The following TEX9 variants were observed in gnomAD, a reference collection of about 807,000 sequenced individuals.
TEX9 encodes testis-expressed protein 9.
Under a neutral mutation model 59.6 loss-of-function variants are expected in TEX9, and 74 were observed. The observed-to-expected ratio is 1.24, with a 90% CI of 1.03 to 1.51. TEX9 has a LOEUF of 1.51. Among genes scored for constraint, TEX9 ranks in the 40% most tolerant of loss-of-function variants. The pLI, the probability that TEX9 is intolerant of heterozygous loss-of-function variation, is 0.00. For synonymous variants in TEX9, 186 were observed against 152.2 expected (o/e 1.22, Z -1.64); for missense variants, 522 against 447.8 (o/e 1.17, Z -1.49).
At chr15:56,451,733 A>C in the TEX9 span, among the ~76,000 whole-genome samples, 1 of 145,950 alleles carries the variant, frequency 6.9e-6, no homozygotes, top group African/African-American at 2.5e-5. Flanking sequence ...TCATGATGGG[A>C]TGCATCCCAA....
intron 1 of TEX9, among the ~76,000 whole-genome samples, chr15:56,290,785 C>CT (rs568536742): frequency 0.032 from 4,616 of 145,242 alleles, 188 homozygotes; most frequent in African/African-American, 0.099. Context: ...GGTTATTCTC[C>CT]TTTTTTTTTT....
At chr15:56,405,741 T>G (rs1223956119) in intron 9 of TEX9, among the ~76,000 whole-genome samples, 1 of 152,152 alleles carries the variant, frequency 6.6e-6, no homozygotes. Flanking sequence ...CAAACAAATC[T>G]CGGTGTACAG....
At chr15:56,289,003 G>A (rs1408700677) in intron 1 of TEX9, among the ~76,000 whole-genome samples, 1 of 151,998 alleles carries the variant, frequency 6.6e-6, no homozygotes, top group East Asian at 1.9e-4. Flanking sequence ...TTATTCTGCT[G>A]TTGATGTTCT....
chr15:56,451,241 A>G, the TEX9 span, among the ~76,000 whole-genome samples: 3 of 152,204 alleles, frequency 2.0e-5, no homozygotes, highest in Non-Finnish European at 4.4e-5. Context: ...GAACAGATAT[A>G]CCCAACAATT....
At chr15:56,388,093 T>C (rs1316278247) in intron 4 of TEX9, among the ~76,000 whole-genome samples, 1 of 151,948 alleles carries the variant, frequency 6.6e-6, no homozygotes, top group Non-Finnish European at 1.5e-5. Context: ...TAACCAGGTG[T>C]TTTAAGTGGA....
chr15:56,424,148 A>G (rs1338117579), intron 10 of TEX9, among the ~76,000 whole-genome samples: 2 of 152,040 alleles, frequency 1.3e-5, no homozygotes, highest in Non-Finnish European at 2.9e-5. Context: ...TGCTTCATAT[A>G]TTTAGGCACT....
At chr15:56,412,693 T>G (rs1216099186) in intron 10 of TEX9, among the ~76,000 whole-genome samples, 1 of 152,180 alleles carries the variant, frequency 6.6e-6, no homozygotes, top group Admixed American at 6.5e-5. Context: ...GTGCCCATAT[T>G]ATATGTCAGA....
intron 1 of TEX9, among the ~76,000 whole-genome samples, chr15:56,316,409 C>T (rs868162354): frequency 3.6e-5 from 5 of 140,200 alleles, no homozygotes; most frequent in Admixed American, 1.5e-4. Context: ...AGTACCCTGC[C>T]GTGTGAGGCG....
chr15:56,347,818 GAA>G (rs2046500837), intron 1 of TEX9, among the ~76,000 whole-genome samples: 4 of 151,964 alleles, frequency 2.6e-5, no homozygotes, highest in South Asian at 4.1e-4. Flanking sequence ...TTAAGAGGGT[GAA>G]AATACAAGCT....
rs1189138475 is a variant in TEX9, at chr15:56,365,655, T to G, written c.104T>G (p.Leu35Trp). 4.3e-6 allele frequency: 7 copies of G among 1,614,010 alleles called. No individual in the cohort carries two copies. The African/African-American group carries it at 8.0e-5, about 18-fold the overall frequency. The change falls in exon 2 of 13, where the codon TTG becomes TGG. Residue 35 changes from leucine to tryptophan, a missense_variant. Physicochemically the swap from Leu to Trp is moderately conservative, Grantham distance 61. Coordinates refer to ENST00000352903, the Ensembl canonical transcript of TEX9. ...ACACCTGGACCCGACCTCCTCGCCT[T>G]GGAGGAAGAATATAAGTAAGAAATT...
At position 56,349,748 on chromosome 15, in the gene TEX9, T is replaced by TGTGTATATATATACACAC. The variant is rs1370476228; in HGVS notation, c.-106-23683_-106-23666dup. On this transcript the variant is annotated intron_variant, in intron 1 of 5. Transcript: ENST00000560827. Reference sequence around the variant, plus strand: ...ACATATACACACGTGTATATATGTGTGTGTATATATATACACACGTGTATA... The same window carrying TGTGTATATATATACACAC: ...ACATATACACACGTGTATATATGTGTGTGTATATATATACACACGTGTATATATATACACACGTGTATA... 7.4e-3 allele frequency among the ~76,000 whole-genome samples: 1,117 copies of TGTGTATATATATACACAC among 151,894 alleles called. 12 individuals carry two copies. The highest frequency in any genetic ancestry group is 0.025 in the African/African-American group (1,044 of 41,382).
intron 1 of TEX9, among the ~76,000 whole-genome samples, chr15:56,266,916 G>C (rs1432194315): frequency 6.6e-6 from 1 of 152,158 alleles, no homozygotes; most frequent in Non-Finnish European, 1.5e-5. Context: ...CGTCCATAAT[G>C]GTTGAACTAG....
chr15:56,287,604 A>C (rs2044984021), intron 1 of TEX9, among the ~76,000 whole-genome samples: 1 of 152,140 alleles, frequency 6.6e-6, no homozygotes, highest in Non-Finnish European at 1.5e-5. Flanking sequence ...TAGTCACCAT[A>C]ATGAATAATA....
At chr15:56,290,872 C>G (rs1260759585) in intron 1 of TEX9, among the ~76,000 whole-genome samples, 1 of 151,322 alleles carries the variant, frequency 6.6e-6, no homozygotes, top group Non-Finnish European at 1.5e-5. Flanking sequence ...TGGTTTGTGA[C>G]TAGCTGTCAT....
At chr15:56,268,757 G>C (rs1407346790) in intron 1 of TEX9, among the ~76,000 whole-genome samples, 4 of 152,062 alleles carry the variant, frequency 2.6e-5, no homozygotes, top group East Asian at 1.9e-4. Context: ...TGGCATCAAT[G>C]CTCATCAGAG....
intron 1 of TEX9, among the ~76,000 whole-genome samples, chr15:56,276,856 G>A (rs143765936): frequency 8.1e-4 from 122 of 151,244 alleles, no homozygotes; most frequent in African/African-American, 2.7e-3. Flanking sequence ...CCTGATAGCC[G>A]TTCTAACTGG....
chr15:56,288,130 T>G (rs2044997317), intron 1 of TEX9, among the ~76,000 whole-genome samples: 1 of 152,176 alleles, frequency 6.6e-6, no homozygotes, highest in Admixed American at 6.5e-5. Flanking sequence ...CTATTCATAG[T>G]CTCACCCACA....
At chr15:56,383,564 G>A (rs2047830382) in intron 3 of TEX9, among the ~76,000 whole-genome samples, 1 of 152,140 alleles carries the variant, frequency 6.6e-6, no homozygotes, top group Non-Finnish European at 1.5e-5. Context: ...CAACATTGAA[G>A]TTTTTCCTGA....
chr15:56,431,254 T>C (rs1417996579), intron 12 of TEX9: 1 of 1,173,434 alleles, frequency 8.5e-7, no homozygotes, highest in African/African-American at 1.5e-5. Flanking sequence ...GAGGATCCCA[T>C]TGCTGCTTCA....
Sources: gnomAD v4.1 joint callset for allele counts (sites outside exome capture counted in the v4.1 genomes callset) on GRCh38, gnomAD v4.1.1 for gene constraint, MANE v1.5 for transcripts, NCBI Gene and HGNC (gene_info 2026-07-23, HGNC 2026-07-21) for gene names.